The following PRKAG1 variants were observed in gnomAD, a reference collection of about 807,000 sequenced individuals.
The protein encoded by PRKAG1 is protein kinase AMP-activated non-catalytic subunit gamma 1, also known as 5'-AMP-activated protein kinase subunit gamma-1.
A neutral mutation model predicts 48.2 loss-of-function variants in PRKAG1; 27 were observed. That is an observed-to-expected ratio of 0.56 (90% CI 0.41 to 0.77). The LOEUF (loss-of-function observed/expected upper bound fraction) is 0.77. PRKAG1 is among the 30% of genes least tolerant of loss of function. The pLI is 0.00. For synonymous variants in PRKAG1, 130 were observed against 147.7 expected (o/e 0.88, Z 0.87); for missense variants, 287 against 398.3 (o/e 0.72, Z 2.38).
At position 49,003,098 on chromosome 12, in the gene PRKAG1, T is replaced by C. The variant is rs201450766; in HGVS notation, c.888+46A>G. The C allele has an allele frequency of 1.0e-4, 166 of 1,613,732 alleles. 1 individual carries two copies. In the African/African-American group the frequency reaches 2.1e-3, roughly 20 times the overall value. On this transcript the variant is annotated intron_variant, in intron 11 of 11. Coordinates refer to ENST00000548065, the MANE Select transcript of PRKAG1 (RefSeq NM_002733.5). ...CTACTCTCCTTGCCAAACCCCACTCTCAAGGCTGCTCCCCTCAGCTCCTTT... is the reference window on the plus strand; with the variant it reads ...CTACTCTCCTTGCCAAACCCCACTCCCAAGGCTGCTCCCCTCAGCTCCTTT...
chr12:49,002,761 C>T lies in PRKAG1; in HGVS notation c.*138G>A. The T allele has an allele frequency of 3.6e-6, 3 of 822,062 alleles. No homozygotes were observed. The highest frequency in any genetic ancestry group is 2.0e-5 in the Admixed American group (1 of 50,172). The allele number at this position is 822,062 out of a possible 1,614,324, so 50.9% of individuals were successfully genotyped here. On this transcript the variant is annotated 3_prime_UTR_variant, in exon 12 of 12. Transcript: ENST00000548065. ...CTTTCCTCCCCCATACCTTCCCTAG[C>T]TCCCAGATAGAAGGGCAGGGGACCC...
At position 49,005,148 on chromosome 12, in the gene PRKAG1, T is replaced by C; in HGVS notation, c.327A>G (p.Leu109=). ...YKSALVQIYE[L]EEHKIETWRE... is the part of the protein sequence containing the mutation. ...TCCAAGTTTCTATCTTGTGTTCTTCTAGCTCATAGATCTGTACCTGAAAGC... is the reference window on the plus strand; with the variant it reads ...TCCAAGTTTCTATCTTGTGTTCTTCCAGCTCATAGATCTGTACCTGAAAGC... Residue 109 remains leucine (L), a synonymous_variant, in exon 6 of 12, where the codon CTA becomes CTG. Coordinates refer to ENST00000548065, the MANE Select transcript of PRKAG1 (RefSeq NM_002733.5). This position sits in a 1 kb window ranked among gnomAD's most constrained non-coding sequence, Gnocchi z 4.1. The C allele has an allele frequency of 1.2e-6, 2 of 1,614,146 alleles. No homozygotes were observed. Among genetic ancestry groups the C allele is most frequent in the African/African-American group, 1.3e-5 (1 of 75,028 alleles).
chr12:49,004,922 A>C (rs1941471453), intron 7 of PRKAG1, 42 bp downstream of exon 7: 2 of 1,601,980 alleles, frequency 1.2e-6, no homozygotes, highest in African/African-American at 2.7e-5. Flanking sequence ...CTGATGACAA[A>C]ATCTCTTCCG....
chr12:49,003,250 G>C lies in PRKAG1; in HGVS notation c.782C>G (p.Ser261Cys), dbSNP rs1941366555. 6.2e-7 allele frequency: 1 copy of C among 1,614,066 alleles called. No individual in the cohort carries two copies. Among genetic ancestry groups the C allele is most frequent in the Non-Finnish European group, 8.5e-7 (1 of 1,180,042 alleles). The change falls in exon 11 of 12, where the codon TCT becomes TGT. Residue 261 changes from serine (S) to cysteine (C), a missense_variant. Around this residue, in one of 2 missense-constraint regions of PRKAG1, gnomAD observed 224 missense variants for 344.3 expected, o/e 0.65. Coordinates refer to ENST00000548065, the MANE Select transcript of PRKAG1 (RefSeq NM_002733.5). ...AEKTYNNLDV[S>C]VTKALQHRSH... Reference sequence around the variant, plus strand: ...TCGATGTTGCAAGGCTTTAGTCACAGATACATCTAGGTTGTTGTAGGTCTT... The same window carrying C: ...TCGATGTTGCAAGGCTTTAGTCACACATACATCTAGGTTGTTGTAGGTCTT...
At chr12:49,008,581 C>T (rs1941635657) in intron 2 of PRKAG1, 1 of 152,168 alleles carries the variant, frequency 6.6e-6, no homozygotes, top group South Asian at 2.1e-4. Flanking sequence ...TTTGGTGGAA[C>T]ACATCTTCCA....
In PRKAG1 at chr12:49,005,795, T is replaced by C. The variant is rs766741379; in HGVS notation, c.116A>G (p.Tyr39Cys). ...TTTGGAGCTTGTGGGAATCAGGTCA[T>C]AGCAGCGATGAGACTTCATGAAGGA... ...YTSFMKSHRC[Y>C]DLIPTSSKLV... is the part of the protein sequence containing the mutation. The change falls in exon 3 of 12, where the codon TAT becomes TGT. Residue 39 changes from tyrosine to cysteine, a missense_variant. By Grantham distance (194) the Tyr-to-Cys change is radical (BLOSUM62 -2). Coordinates refer to ENST00000548065, the MANE Select transcript of PRKAG1 (RefSeq NM_002733.5). This position sits in a 1 kb window ranked among gnomAD's most constrained non-coding sequence, Gnocchi z 4.1. The C allele has an allele frequency of 1.6e-5, 26 of 1,614,010 alleles. 1 individual carries two copies. The South Asian group carries it at 1.9e-4, about 12-fold the overall frequency.
In PRKAG1 at chr12:49,003,159, C is replaced by T. The variant is rs200631553; in HGVS notation, c.873G>A (p.Arg291=). ...LHETLETIIN[R]LVEAEVHRLV... is the part of the protein sequence containing the mutation. ...GCCTCCCTACCTCTGCTTCCACTAG[C>T]CTGTTGATGATGGTCTCCAGAGTCT... Residue 291 remains arginine (R), a synonymous_variant, in exon 11 of 12, where the codon AGG becomes AGA. Transcript: ENST00000548065. 11 of 1,614,192 alleles carry T rather than the reference C, an allele frequency of 6.8e-6. No individual in the cohort carries two copies. In the East Asian group the frequency reaches 1.8e-4, roughly 26 times the overall value.
rs1374584971 is a variant in PRKAG1, at chr12:49,003,899, C to G, written c.561G>C (p.Glu187Asp). The change falls in exon 9 of 12, where the codon GAG (glutamate) becomes GAC (aspartate). Residue 187 changes from glutamate (E) to aspartate (D), a missense_variant. By Grantham distance (45) the Glu-to-Asp change is conservative (BLOSUM62 2). Transcript: ENST00000548065. ...GCTCTTCCAGAGACTTGGACATGAA[C>G]TCTGGCTTGGGGAACTCAGTGATCT... ...KLFITEFPKP[E>D]FMSKSLEELQ... The G allele has an allele frequency of 6.2e-7, 1 of 1,608,244 alleles. No individual in the cohort carries two copies. Among genetic ancestry groups the G allele is most frequent in the African/African-American group, 1.3e-5 (1 of 74,818 alleles).
chr12:49,004,199 G>A (rs1030317546), intron 8 of PRKAG1: 25 of 516,526 alleles, frequency 4.8e-5, no homozygotes, highest in African/African-American at 9.5e-5. Context: ...GGTTGAGGTC[G>A]GGGGTCACCT....
At chr12:49,013,174 A>C in intron 1 of PRKAG1, 64 bp from the exon 2 acceptor site, 1 of 1,394,066 alleles carries the variant, frequency 7.2e-7, no homozygotes, top group Non-Finnish European at 1.0e-6. Context: ...TAGCAACATT[A>C]GGGGAAGGGC....
At position 49,005,101 on chromosome 12, in the gene PRKAG1, A is replaced by G; in HGVS notation, c.355+19T>C. 8 of 1,613,572 alleles carry G rather than the reference A, an allele frequency of 5.0e-6. No homozygotes were observed. The highest frequency in any genetic ancestry group is 6.8e-6 in the Non-Finnish European group (8 of 1,179,704). On this transcript the variant is annotated intron_variant, in intron 6 of 11. Transcript: ENST00000548065. The surrounding 1 kb of genome is among the most constrained non-coding windows in gnomAD (Gnocchi z 4.1). ...CCCGCCATCCCTTTATCCTTTTATA[A>G]CCCCAATTCTCTACATACCTCTCCA...
rs1941335494 is a variant in PRKAG1, at chr12:49,002,629, T to C, written c.*270A>G. 1.9e-6 allele frequency: 1 copy of C among 523,056 alleles called. No homozygotes were observed. Among genetic ancestry groups the C allele is most frequent in the African/African-American group, 1.9e-5 (1 of 52,356 alleles). The allele number at this position is 523,056 out of a possible 1,614,324, so 32.4% of individuals were successfully genotyped here. On this transcript the variant is annotated 3_prime_UTR_variant, in exon 12 of 12. Transcript: ENST00000548065. ...GTCTGAGAGGCACAGAGCCTATAGT[T>C]CACCCAGAAAGGGGGATATATCTAA...
In PRKAG1 at chr12:49,005,096, T is replaced by C. The variant is rs201177956; in HGVS notation, c.355+24A>G. 17 of 1,613,588 alleles carry C rather than the reference T, an allele frequency of 1.1e-5. No homozygotes were observed. In the African/African-American group the frequency reaches 2.0e-4, roughly 19 times the overall value. Reference sequence around the variant, plus strand: ...AGAAACCCGCCATCCCTTTATCCTTTTATAACCCCAATTCTCTACATACCT... The same window carrying C: ...AGAAACCCGCCATCCCTTTATCCTTCTATAACCCCAATTCTCTACATACCT... On this transcript the variant is annotated intron_variant, in intron 6 of 11. Transcript: ENST00000548065. The surrounding 1 kb of genome is among the most constrained non-coding windows in gnomAD (Gnocchi z 4.1).
chr12:49,004,581 C>T lies in PRKAG1; in HGVS notation c.463G>A (p.Val155Ile), dbSNP rs765843377. The change falls in exon 8 of 12, where the codon GTT becomes ATT. Residue 155 changes from valine to isoleucine, a missense_variant. This residue lies in a region of PRKAG1 where 224 missense variants were observed against 344.3 expected (regional missense o/e 0.65). Transcript: ENST00000548065. Reference sequence around the variant, plus strand: ...GTATTGCCTGATTCTGGGTCAATAACTGGCAGCCTGTGGATCTTGTTCCGA... The same window carrying T: ...GTATTGCCTGATTCTGGGTCAATAATTGGCAGCCTGTGGATCTTGTTCCGA... The part of the protein sequence containing the change: ...LIRNKIHRLP[V>I]IDPESGNTLY... The T allele has an allele frequency of 1.9e-6, 3 of 1,614,114 alleles. No homozygotes were observed. Among genetic ancestry groups the T allele is most frequent in the Admixed American group, 3.3e-5 (2 of 60,012 alleles).
At chr12:49,006,255 T>C (rs1941530867) in intron 2 of PRKAG1, among the ~76,000 whole-genome samples, 1 of 152,218 alleles carries the variant, frequency 6.6e-6, no homozygotes, top group African/African-American at 2.4e-5. Flanking sequence ...CTTCCAAGAC[T>C]GTGCTGGGGA....
intron 2 of PRKAG1, 63 bp downstream of exon 2, chr12:49,012,999 G>A: frequency 6.8e-7 from 1 of 1,474,734 alleles, no homozygotes; most frequent in East Asian, 2.3e-5. Context: ...AAGCATTGTT[G>A]AAGACATTGT....
In PRKAG1 at chr12:49,002,462, G is replaced by C; in HGVS notation, c.*437C>G. The C allele has an allele frequency of 3.7e-6, 1 of 267,548 alleles. No individual in the cohort carries two copies. The highest frequency in any genetic ancestry group is 9.6e-5 in the East Asian group (1 of 10,396). 16.6% of individuals were successfully genotyped at this position (267,548 alleles called of 1,614,324 possible). On this transcript the variant is annotated 3_prime_UTR_variant, in exon 12 of 12. Coordinates refer to ENST00000548065, the MANE Select transcript of PRKAG1 (RefSeq NM_002733.5). The stretch of plus-strand genomic sequence containing the variant: ...GGAAGAAATGTCACTAAATGGACTT[G>C]GCCTCCTCCATATAGCACGGAACAG...
chr12:49,006,099 T>C (rs1941526093), intron 2 of PRKAG1, among the ~76,000 whole-genome samples: 1 of 152,214 alleles, frequency 6.6e-6, no homozygotes. Context: ...GTAAAAGAAG[T>C]TGACTAAAAC....
chr12:49,013,295 G>A (rs1352519205), intron 1 of PRKAG1, among the ~76,000 whole-genome samples, 185 bp from the exon 2 acceptor site: 3 of 152,026 alleles, frequency 2.0e-5, no homozygotes, highest in Admixed American at 1.3e-4. Flanking sequence ...AGGCTGCAGT[G>A]CAGTGGTGTG....
Sources: gnomAD v4.1 joint callset for allele counts (sites outside exome capture counted in the v4.1 genomes callset) on GRCh38, gnomAD v4.1.1 for gene constraint, gnomAD v4.1.1 regional missense constraint, Gnocchi (gnomAD v3.1) non-coding constraint, MANE v1.5 for transcripts, NCBI Gene and HGNC (gene_info 2026-07-23, HGNC 2026-07-21) for gene names.